KPNA7: variants seen among roughly 807,000 people sequenced by gnomAD.
The protein encoded by KPNA7 is karyopherin subunit alpha 7.
A neutral mutation model predicts 53.7 loss-of-function variants in KPNA7; 54 were observed. The ratio of observed to expected loss-of-function variants is 1.01; its 90% CI spans 0.81 to 1.26. KPNA7 has a LOEUF of 1.26. Ranked by LOEUF, KPNA7 falls within the 50% of genes most tolerant of loss-of-function variation. The pLI, the probability that KPNA7 is intolerant of heterozygous loss-of-function variation, is 0.00. For missense variants in KPNA7, 640 were observed against 644.5 expected (o/e 0.99, Z 0.07); for synonymous variants, 276 against 259.3 (o/e 1.06, Z -0.62).
chr7:99,214,001 T>A (rs187523742), intron 1 of KPNA7, among the ~76,000 whole-genome samples: 36 of 152,228 alleles, frequency 2.4e-4, no homozygotes, highest in African/African-American at 8.4e-4. Flanking sequence ...ATTTTGCAGG[T>A]GAAGGAGCCA....
At chr7:99,195,619 C>T (rs1032193686) in intron 4 of KPNA7, among the ~76,000 whole-genome samples, 5 of 152,144 alleles carry the variant, frequency 3.3e-5, no homozygotes, top group African/African-American at 1.2e-4. Flanking sequence ...AGGAGAATCA[C>T]TTGAACCCAG....
upstream of KPNA7, among the ~76,000 whole-genome samples, chr7:99,208,684 G>A (rs1404958792): frequency 6.6e-6 from 1 of 152,154 alleles, no homozygotes; most frequent in Non-Finnish European, 1.5e-5. Flanking sequence ...GGGATTACAG[G>A]CATGAACCTG....
chr7:99,187,555 ATTTT>A (rs36042018), intron 7 of KPNA7, among the ~76,000 whole-genome samples: 3 of 124,414 alleles, frequency 2.4e-5, no homozygotes, highest in Non-Finnish European at 4.9e-5. Context: ...CACCCAGCTA[ATTTT>A]TTTTTTTTTT....
rs377664445 is a variant in KPNA7, at chr7:99,188,376, C to T, written c.824G>A (p.Arg275His). Residue 275 changes from arginine (R) to histidine (H), a missense_variant, in exon 7 of 11, where the codon CGC becomes CAC. Coordinates refer to ENST00000327442, the MANE Select transcript of KPNA7 (RefSeq NM_001145715.3). ...LSYLTDGSNKRIGQVVNTGVL... is the reference protein window; with the variant it reads ...LSYLTDGSNKHIGQVVNTGVL... Reference sequence around the variant, plus strand: ...CCCCGTGTTAACCACTTGGCCGATGCGCTTGTTGGAGCCGTCGGTGAGGTA... The same window carrying T: ...CCCCGTGTTAACCACTTGGCCGATGTGCTTGTTGGAGCCGTCGGTGAGGTA... 2.1e-5 allele frequency: 33 copies of T among 1,551,458 alleles called. No individual in the cohort carries two copies. In the East Asian group the frequency reaches 2.4e-4, roughly 11 times the overall value.
At chr7:99,150,238 G>A in the KPNA7 span, among the ~76,000 whole-genome samples, 20 of 151,914 alleles carry the variant, frequency 1.3e-4, no homozygotes, top group East Asian at 3.9e-3. Context: ...TGAGATTACA[G>A]GCGCATGCCA....
the KPNA7 span, among the ~76,000 whole-genome samples, chr7:99,164,382 G>A: frequency 0.016 from 2,497 of 151,814 alleles, 28 homozygotes; most frequent in African/African-American, 0.03. Flanking sequence ...GCAAACTATG[G>A]CAAGGACAAA....
At chr7:99,206,688 G>A (rs1243921994) in intron 2 of KPNA7, among the ~76,000 whole-genome samples, 1 of 151,934 alleles carries the variant, frequency 6.6e-6, no homozygotes, top group Non-Finnish European at 1.5e-5. Context: ...GGCTGGTCTA[G>A]AACTCCTATC....
rs756807848 is a variant in KPNA7 at position 99,178,771 on chromosome 7, CAAAAAAAAAAAAAAAAAAAA to C, written c.1318-725_1318-706del. On this transcript the variant is annotated intron_variant, in intron 9 of 10. Transcript: ENST00000327442. ...GCATTTGGCCCAAATATCTTTGTCT[CAAAAAAAAAAAAAAAAAAAA>C]AAAAAAAAAAAAAAAGAGTCTCGCT... Among the ~76,000 whole-genome samples the C allele has an allele frequency of 9.4e-4, 26 of 27,712 alleles. 1 individual carries two copies. Among genetic ancestry groups the C allele is most frequent in the Admixed American group, 7.2e-3 (10 of 1,382 alleles). 18.2% of individuals were successfully genotyped at this position (27,712 alleles called of 152,430 possible).
At chr7:99,194,982 A>G in intron 5 of KPNA7, 88 bp downstream of exon 5, 4 of 1,405,426 alleles carry the variant, frequency 2.8e-6, no homozygotes, top group Non-Finnish European at 3.8e-6. Context: ...GTTCTGGGAC[A>G]TCGAGTATAC....
chr7:99,204,393 A>G (rs1563088010), intron 2 of KPNA7, among the ~76,000 whole-genome samples: 2 of 149,998 alleles, frequency 1.3e-5, no homozygotes, highest in Non-Finnish European at 3.0e-5. Context: ...CTCTCTCTCA[A>G]TCTCTCTCTC....
rs1200310380 is a variant in KPNA7 at position 99,213,150 on chromosome 7, CAG to C, written c.-23-5663_-23-5662del. Among the ~76,000 whole-genome samples, 3 of 143,188 alleles carry C rather than the reference CAG, an allele frequency of 2.1e-5. No individual in the cohort carries two copies. The South Asian group carries it at 6.7e-4, about 32-fold the overall frequency. The allele number at this position is 143,188 out of a possible 152,430, so 93.9% of individuals were successfully genotyped here. A position where few individuals can be genotyped will look rare whatever the true frequency, so the allele number is the denominator to read the frequency against. Reference sequence around the variant, plus strand: ...AAGGGATTTTTTTTTTTTTTTGAGACAGAGTCTCACTCTGTTGCCAGGCTGGA... The same window carrying C: ...AAGGGATTTTTTTTTTTTTTTGAGACAGTCTCACTCTGTTGCCAGGCTGGA... On this transcript the variant is annotated intron_variant, in intron 1 of 10. Transcript: ENST00000681060.
intron 3 of KPNA7, among the ~76,000 whole-genome samples, chr7:99,201,507 C>G (rs1790532170): frequency 6.6e-6 from 1 of 151,600 alleles, no homozygotes; most frequent in South Asian, 2.1e-4. Context: ...ACTAAAAATA[C>G]AAAAAATTAG....
At chr7:99,207,326 C>T in intron 2 of KPNA7, 75 bp downstream of exon 2, 1 of 1,284,844 alleles carries the variant, frequency 7.8e-7, no homozygotes, top group Non-Finnish European at 1.1e-6. Context: ...AGCCACCGCG[C>T]CTGGTCTCTT....
chr7:99,203,504 A>T (rs1790653261), intron 2 of KPNA7, among the ~76,000 whole-genome samples: 1 of 152,118 alleles, frequency 6.6e-6, no homozygotes, highest in Admixed American at 6.6e-5. Flanking sequence ...ATTCTCAGCT[A>T]TAAAAACACC....
At chr7:99,191,544 G>T (rs1256967257) in intron 6 of KPNA7, among the ~76,000 whole-genome samples, 1 of 152,140 alleles carries the variant, frequency 6.6e-6, no homozygotes, top group Non-Finnish European at 1.5e-5. Flanking sequence ...GCTGCTAGCA[G>T]GAAGATGTCT....
chr7:99,147,715 C>T, the KPNA7 span, among the ~76,000 whole-genome samples: 12 of 152,082 alleles, frequency 7.9e-5, no homozygotes, highest in Non-Finnish European at 1.2e-4. Context: ...CTCTTGAACC[C>T]GGGAGGCGGA....
At chr7:99,193,940 A>G (rs1790095570) in intron 5 of KPNA7, among the ~76,000 whole-genome samples, 1 of 152,158 alleles carries the variant, frequency 6.6e-6, no homozygotes, top group African/African-American at 2.4e-5. Flanking sequence ...TGCCTCCTAA[A>G]GTGCTGAGAT....
chr7:99,196,016 G>A (rs1415936364), intron 4 of KPNA7, 68 bp downstream of exon 4: 8 of 1,300,966 alleles, frequency 6.1e-6, no homozygotes, highest in African/African-American at 2.9e-5. Flanking sequence ...GGCCACCGGC[G>A]CTCCAGCCAT....
chr7:99,181,427 G>A (rs1035069218), intron 9 of KPNA7, among the ~76,000 whole-genome samples: 2 of 152,192 alleles, frequency 1.3e-5, no homozygotes, highest in Non-Finnish European at 2.9e-5. Flanking sequence ...AAAAATATCT[G>A]GCACATAGAC....
Sources: allele counts gnomAD v4.1 joint callset (sites outside exome capture counted in the v4.1 genomes callset), GRCh38; gene constraint gnomAD v4.1.1; transcripts MANE v1.5; gene names NCBI Gene and HGNC (gene_info 2026-07-23, HGNC 2026-07-21).